The following SPMIP2 variants were observed in gnomAD, a reference collection of about 807,000 sequenced individuals.
SPMIP2 encodes sperm microtubule inner protein 2.
the SPMIP2 span, among the ~76,000 whole-genome samples, chr4:158,920,512 C>G: frequency 6.6e-6 from 1 of 152,094 alleles, no homozygotes; most frequent in Non-Finnish European, 1.5e-5. Context: ...GATCTATAAA[C>G]GGCCACTCTG....
chr4:158,943,155 T>C, the SPMIP2 span, among the ~76,000 whole-genome samples: 24 of 152,372 alleles, frequency 1.6e-4, no homozygotes, highest in African/African-American at 4.8e-4. Flanking sequence ...TCAGACTCTA[T>C]AAACATAATA....
chr4:159,047,496 T>C, the SPMIP2 span, among the ~76,000 whole-genome samples: 2 of 151,758 alleles, frequency 1.3e-5, no homozygotes, highest in African/African-American at 4.9e-5. Context: ...CATTGATTGA[T>C]TAAATTTTTT....
chr4:158,993,212 T>C, the SPMIP2 span, among the ~76,000 whole-genome samples: 1 of 151,944 alleles, frequency 6.6e-6, no homozygotes, highest in Admixed American at 6.6e-5. Flanking sequence ...AAAAAATTTT[T>C]TTAATTAGCC....
chr4:158,972,219 G>A, the SPMIP2 span, among the ~76,000 whole-genome samples: 4 of 152,194 alleles, frequency 2.6e-5, no homozygotes, highest in East Asian at 3.9e-4. Flanking sequence ...AAAATTAGCC[G>A]GGCCTGATGG....
the SPMIP2 span, among the ~76,000 whole-genome samples, chr4:158,894,299 T>G: frequency 6.6e-6 from 1 of 151,852 alleles, no homozygotes; most frequent in Non-Finnish European, 1.5e-5. Context: ...GCCTCCTGAT[T>G]AGCTAGGACT....
At chr4:158,898,502 C>T in the SPMIP2 span, among the ~76,000 whole-genome samples, 1 of 152,164 alleles carries the variant, frequency 6.6e-6, no homozygotes, top group Non-Finnish European at 1.5e-5. Context: ...TTTGTGTCCT[C>T]TCTTATTTCC....
the SPMIP2 span, among the ~76,000 whole-genome samples, chr4:159,005,619 G>A: frequency 6.6e-6 from 1 of 152,062 alleles, no homozygotes; most frequent in Non-Finnish European, 1.5e-5. Flanking sequence ...AGTGCTATAA[G>A]TCAAAAGTAC....
the SPMIP2 span, among the ~76,000 whole-genome samples, chr4:158,934,835 C>T: frequency 4.6e-5 from 7 of 152,152 alleles, no homozygotes; most frequent in South Asian, 4.1e-4. Context: ...TATCTCACCA[C>T]CCCCAGCTCT....
At chr4:159,030,917 G>GGT in the SPMIP2 span, among the ~76,000 whole-genome samples, 1 of 151,840 alleles carries the variant, frequency 6.6e-6, no homozygotes, top group Non-Finnish European at 1.5e-5. Flanking sequence ...TCCTCTACAT[G>GGT]GTTTTTTTTA....
the SPMIP2 span, among the ~76,000 whole-genome samples, chr4:159,019,481 C>T: frequency 6.6e-6 from 1 of 152,018 alleles, no homozygotes; most frequent in South Asian, 2.1e-4. Context: ...CTTATAGATG[C>T]GGGAACTTTG....
At chr4:158,957,019 C>T in the SPMIP2 span, among the ~76,000 whole-genome samples, 450 of 149,146 alleles carry the variant, frequency 3.0e-3, no homozygotes, top group African/African-American at 0.011. Flanking sequence ...GCAACCTCCA[C>T]CTCCCGGGTT....
chr4:158,900,881 T>C, the SPMIP2 span, among the ~76,000 whole-genome samples: 8 of 152,220 alleles, frequency 5.3e-5, no homozygotes, highest in Admixed American at 4.6e-4. Context: ...GTCATTATGA[T>C]GCTAGTTGGT....
the SPMIP2 span, among the ~76,000 whole-genome samples, chr4:158,943,254 C>G: frequency 6.6e-6 from 1 of 152,210 alleles, no homozygotes; most frequent in Non-Finnish European, 1.5e-5. Context: ...AATTTTATTA[C>G]ATGCTATGAG....
the SPMIP2 span, among the ~76,000 whole-genome samples, chr4:159,022,300 G>A: frequency 6.6e-6 from 1 of 152,240 alleles, no homozygotes; most frequent in African/African-American, 2.4e-5. Flanking sequence ...CATTCACTGG[G>A]CAGAAAACAT....
At chr4:158,962,777 A>C in the SPMIP2 span, among the ~76,000 whole-genome samples, 3 of 152,194 alleles carry the variant, frequency 2.0e-5, no homozygotes, top group Non-Finnish European at 4.4e-5. Flanking sequence ...TTCATTTTAC[A>C]TTCAGAGCAT....
the SPMIP2 span, among the ~76,000 whole-genome samples, chr4:158,996,203 G>A: frequency 6.6e-6 from 1 of 152,170 alleles, no homozygotes; most frequent in Non-Finnish European, 1.5e-5. Flanking sequence ...CTGTCAAGTA[G>A]AGAAAGAAGG....
the SPMIP2 span, among the ~76,000 whole-genome samples, chr4:158,923,311 G>C: frequency 6.6e-6 from 1 of 152,132 alleles, no homozygotes; most frequent in African/African-American, 2.4e-5. Context: ...GATTTTGATA[G>C]GGACTGCATT....
the SPMIP2 span, chr4:158,893,684 A>T: frequency 1.3e-6 from 2 of 1,586,336 alleles, no homozygotes; most frequent in African/African-American, 2.7e-5. Context: ...AAGCAGGTTG[A>T]GTTATGCTGA....
At chr4:159,068,117 C>G in the SPMIP2 span, among the ~76,000 whole-genome samples, 1 of 152,150 alleles carries the variant, frequency 6.6e-6, no homozygotes, top group African/African-American at 2.4e-5. Context: ...CCTCAGGGAT[C>G]TAGAACTAGA....
Sources: allele counts gnomAD v4.1 joint callset (sites outside exome capture counted in the v4.1 genomes callset), GRCh38; gene constraint gnomAD v4.1.1; transcripts MANE v1.5; gene names NCBI Gene and HGNC (gene_info 2026-07-23, HGNC 2026-07-21).